SLC4A1AP: variants seen among roughly 807,000 people sequenced by gnomAD.
The protein encoded by SLC4A1AP is kanadaptin.
SLC4A1AP carries 64 observed loss-of-function variants against 89.7 expected under a neutral mutation model. The observed-to-expected ratio is 0.71, with a 90% CI of 0.58 to 0.88. The LOEUF (loss-of-function observed/expected upper bound fraction) is 0.88, where lower values mean the gene tolerates loss of function less well. Ranked by LOEUF, SLC4A1AP falls within the 40% of genes least tolerant of loss-of-function variation. The pLI, the probability that SLC4A1AP is intolerant of heterozygous loss-of-function variation, is 0.00. For synonymous variants in SLC4A1AP, 366 were observed against 353.3 expected (o/e 1.04, Z -0.40); for missense variants, 931 against 965.0 (o/e 0.96, Z 0.47).
intron 3 of SLC4A1AP, 160 bp from the exon 4 acceptor site, chr2:27,668,683 C>T (rs1371813874): frequency 6.9e-6 from 5 of 729,034 alleles, no homozygotes; most frequent in African/African-American, 3.5e-5. Context: ...CTCCTTAACT[C>T]AAGCTGTCAT....
In SLC4A1AP at chr2:27,664,205, T is replaced by TC. The variant is rs779298493; in HGVS notation, c.459dup (p.Tyr154LeufsTer29). ...CTTCCCCTGGCGGTCCAGCCCGGGC[T>TC]CCCCCCTACCAAGAGCCTCCATGGG... On this transcript the variant is annotated frameshift_variant, in exon 1 of 14. Transcript: ENST00000613058. LOFTEE classifies it high-confidence loss of function. The TC allele has an allele frequency of 1.9e-6, 3 of 1,612,338 alleles. No homozygotes were observed. The highest frequency in any genetic ancestry group is 1.7e-6 in the Non-Finnish European group (2 of 1,179,672).
chr2:27,673,280 A>G lies in SLC4A1AP; in HGVS notation c.1346-2252A>G, dbSNP rs184646918. On this transcript the variant is annotated intron_variant, in intron 5 of 13. Coordinates refer to ENST00000613058, the Ensembl canonical transcript of SLC4A1AP. ...TCTGTCTACTTTCTAATTTTCTAAAATTTGGGTCTTTATGAATTTCTTTCT... is the reference window on the plus strand; with the variant it reads ...TCTGTCTACTTTCTAATTTTCTAAAGTTTGGGTCTTTATGAATTTCTTTCT... 9.7e-4 allele frequency among the ~76,000 whole-genome samples: 147 copies of G among 151,806 alleles called. 1 individual carries two copies. Among genetic ancestry groups the G allele is most frequent in the African/African-American group, 3.4e-3 (140 of 41,382 alleles).
At chr2:27,675,786 AAGT>A (rs1207003248) in intron 6 of SLC4A1AP, 94 bp downstream of exon 6, 33 of 845,544 alleles carry the variant, frequency 3.9e-5, no homozygotes, top group African/African-American at 5.3e-5. Context: ...ATAATTTTTA[AAGT>A]AGTAGCATTG....
At chr2:27,670,504 A>G (rs1675404186) in intron 5 of SLC4A1AP, among the ~76,000 whole-genome samples, 1 of 152,038 alleles carries the variant, frequency 6.6e-6, no homozygotes, top group Admixed American at 6.5e-5. Flanking sequence ...ACCCATCCTC[A>G]GTCTTCTTCC....
At chr2:27,677,360 C>T (rs779809383) in exon 7 of SLC4A1AP, 5 of 1,610,516 alleles carry the variant, frequency 3.1e-6, no homozygotes, top group Non-Finnish European at 4.2e-6. Context: ...AAGCCTCAAG[C>T]CAAGGTAAGT....
chr2:27,678,573 A>T (rs946405030), intron 8 of SLC4A1AP, among the ~76,000 whole-genome samples: 6 of 152,096 alleles, frequency 3.9e-5, no homozygotes, highest in Non-Finnish European at 4.4e-5. Flanking sequence ...CCTCTGAATG[A>T]TAAGTAGACA....
chr2:27,672,438 A>G (rs1383442505), intron 5 of SLC4A1AP, among the ~76,000 whole-genome samples: 7 of 152,024 alleles, frequency 4.6e-5, no homozygotes, highest in African/African-American at 1.7e-4. Flanking sequence ...GCAGTCTTTC[A>G]TGCCAGAGAA....
intron 9 of SLC4A1AP, among the ~76,000 whole-genome samples, chr2:27,684,550 T>G (rs995874684): frequency 1.2e-4 from 18 of 152,232 alleles, no homozygotes; most frequent in African/African-American, 4.3e-4. Flanking sequence ...ATATTTAGCT[T>G]TATTCTTTGA....
chr2:27,692,396 AT>A (rs1675802662), intron 12 of SLC4A1AP: 1 of 152,018 alleles, frequency 6.6e-6, no homozygotes, highest in South Asian at 2.1e-4. Context: ...TAAATTTGAG[AT>A]TTGTTTTGTG....
chr2:27,680,200 G>A (rs963682320), intron 8 of SLC4A1AP, among the ~76,000 whole-genome samples: 3 of 152,162 alleles, frequency 2.0e-5, no homozygotes, highest in Non-Finnish European at 2.9e-5. Context: ...GGAAAGATTC[G>A]TTAAAAATTA....
intron 12 of SLC4A1AP, among the ~76,000 whole-genome samples, chr2:27,691,335 G>A (rs1460411180): frequency 6.6e-6 from 1 of 151,964 alleles, no homozygotes; most frequent in Admixed American, 6.6e-5. Flanking sequence ...TGTGCATAGA[G>A]GTGTTCATAG....
Position 27,663,931 on chromosome 2 carries a change from C to G in SLC4A1AP, c.179C>G (p.Ser60Cys), listed in dbSNP as rs762372675. 4 of 1,614,192 alleles carry G rather than the reference C, an allele frequency of 2.5e-6. No individual in the cohort carries two copies. The highest frequency in any genetic ancestry group is 3.3e-5 in the Admixed American group (2 of 60,028). The change falls in exon 1 of 14, where the codon TCT (serine) becomes TGT (cysteine). Residue 60 changes from serine to cysteine, a missense_variant. Ser to Cys is a moderately radical substitution (Grantham distance 112). Coordinates refer to ENST00000613058, the Ensembl canonical transcript of SLC4A1AP. ...CGGTTGAGGATGGCTGACATTCTCT[C>G]TCAGTCAGAGACCCTGGCGTCGCAA...
chr2:27,673,166 G>A (rs1245994348), intron 5 of SLC4A1AP, among the ~76,000 whole-genome samples: 1 of 152,060 alleles, frequency 6.6e-6, no homozygotes, highest in African/African-American at 2.4e-5. Context: ...ATCCGTTTGA[G>A]GATTCTGCAG....
chr2:27,668,150 GTTC>G (rs1261380757), intron 3 of SLC4A1AP, among the ~76,000 whole-genome samples: 5 of 150,586 alleles, frequency 3.3e-5, no homozygotes. Context: ...ATGGGAACTT[GTTC>G]TTTTTTTTTT....
In SLC4A1AP at chr2:27,682,304, TA is replaced by T. The variant is rs1488947288; in HGVS notation, c.1821del (p.Phe608LeufsTer4). 1 of 1,613,864 alleles carries T rather than the reference TA, an allele frequency of 6.2e-7. No homozygotes were observed. The highest frequency in any genetic ancestry group is 8.5e-7 in the Non-Finnish European group (1 of 1,179,974). On this transcript the variant is annotated frameshift_variant, in exon 9 of 14. Coordinates refer to ENST00000613058, the Ensembl canonical transcript of SLC4A1AP. LOFTEE classifies it high-confidence loss of function. ...AAAGCTAAAAAGCTTACATTGCCTC[TA>T]TTTGGTGCCATGAAAGGAGGAAGCA...
chr2:27,667,134 G>A (rs1379278446), intron 2 of SLC4A1AP, 134 bp from the exon 3 acceptor site: 1 of 887,572 alleles, frequency 1.1e-6, no homozygotes, highest in East Asian at 2.8e-5. Context: ...CTCCCAAAGT[G>A]CTGGGATTAC....
intron 2 of SLC4A1AP, among the ~76,000 whole-genome samples, chr2:27,666,836 A>C (rs1055557247): frequency 4.7e-5 from 7 of 147,838 alleles, no homozygotes; most frequent in Non-Finnish European, 1.0e-4. Context: ...AGTATTTATT[A>C]TTTTTCATCA....
At chr2:27,673,462 TCTTTC>T (rs1558506721) in intron 5 of SLC4A1AP, among the ~76,000 whole-genome samples, 2 of 122,060 alleles carry the variant, frequency 1.6e-5, no homozygotes, top group Non-Finnish European at 3.3e-5. Context: ...CTTCCTTCCT[TCTTTC>T]CTTCCTCCCT....
At chr2:27,687,442 T>C (rs1437290219) in intron 10 of SLC4A1AP, among the ~76,000 whole-genome samples, 1 of 151,858 alleles carries the variant, frequency 6.6e-6, no homozygotes, top group African/African-American at 2.4e-5. Flanking sequence ...AAAAAAAATA[T>C]TGGCCAGGCA....
Sources: allele counts gnomAD v4.1 joint callset (sites outside exome capture counted in the v4.1 genomes callset), GRCh38; gene constraint gnomAD v4.1.1; transcripts MANE v1.5; gene names NCBI Gene and HGNC (gene_info 2026-07-23, HGNC 2026-07-21).